Variants in ABCA13 observed in about 807,000 individuals in gnomAD.
ABCA13 encodes the protein ATP-binding cassette sub-family A member 13.
ABCA13 carries 476 observed loss-of-function variants against 478.7 expected under a neutral mutation model. That is an observed-to-expected ratio of 0.99 (90% CI 0.92 to 1.07). The LOEUF is 1.07. ABCA13 is among the 50% of genes least tolerant of loss of function. The pLI is 0.00. For synonymous variants in ABCA13, 2,252 were observed against 2,158.9 expected, an observed-to-expected ratio of 1.04 and a Z score of -1.20; for missense variants, 6,060 against 5,910.6, an observed-to-expected ratio of 1.03 and a Z score of -0.83.
At chr7:48,242,587 A>C (rs1057507775) in intron 10 of ABCA13, among the ~76,000 whole-genome samples, 1 of 151,988 alleles carries the variant, frequency 6.6e-6, no homozygotes, top group African/African-American at 2.4e-5. Context: ...ACAGGCTCAC[A>C]CCACTACTGC....
At chr7:48,431,243 G>C (rs1822100248) in intron 42 of ABCA13, among the ~76,000 whole-genome samples, 1 of 152,016 alleles carries the variant, frequency 6.6e-6, no homozygotes, top group Admixed American at 6.6e-5. Context: ...ATGTTGGCCA[G>C]GCTGGTCTCA....
intron 1 of ABCA13, among the ~76,000 whole-genome samples, chr7:48,185,393 TCTC>T (rs1796226070): frequency 6.6e-6 from 1 of 152,112 alleles, no homozygotes; most frequent in African/African-American, 2.4e-5. Context: ...TGACCATTCT[TCTC>T]CCAAATACAT....
At chr7:48,182,645 AC>A (rs1173577294) in intron 1 of ABCA13, among the ~76,000 whole-genome samples, 1 of 152,210 alleles carries the variant, frequency 6.6e-6, no homozygotes. Flanking sequence ...AAGCCAAAAA[AC>A]AACCCTACTC....
rs1046133506 is a variant in ABCA13 at position 48,240,003 on chromosome 7, T to C, written c.1062+598T>C. Among the ~76,000 whole-genome samples the C allele has an allele frequency of 2.1e-4, 32 of 152,200 alleles. 2 individuals carry two copies. Among genetic ancestry groups the C allele is most frequent in the African/African-American group, 7.2e-4 (30 of 41,444 alleles). On this transcript the variant is annotated intron_variant, in intron 9 of 61. Transcript: ENST00000435803. ...AGCTTTGCGCTTCTTGGGGAGGTTT[T>C]GGAGACTGTGAGGCAGAGCTCCCCT...
rs777019353 is a variant in ABCA13, at chr7:48,272,188, G to A, written c.2522G>A (p.Gly841Asp). The A allele has an allele frequency of 3.1e-6, 5 of 1,611,832 alleles. No homozygotes were observed. The African/African-American group carries it at 4.0e-5, about 13-fold the overall frequency. Residue 841 changes from glycine to aspartate, a missense_variant, in exon 17 of 62, where the codon GGC (glycine) becomes GAC (aspartate). By Grantham distance (94) the Gly-to-Asp change is moderately conservative (BLOSUM62 -1). Around this residue, in one of 3 missense-constraint regions of ABCA13, gnomAD observed 4,423 missense variants for 4,309.1 expected, o/e 1.03. Coordinates refer to ENST00000435803, the MANE Select transcript of ABCA13 (RefSeq NM_152701.5). ...AAATTACTAGAATTATGGGCCTATGGCATTTCAAAAGGAAAAAGAGCTAAA... is the reference window on the plus strand; with the variant it reads ...AAATTACTAGAATTATGGGCCTATGACATTTCAAAAGGAAAAAGAGCTAAA... Reference protein sequence around the residue: ...NPKLLELWAYGISKGKRAKLE... With the variant: ...NPKLLELWAYDISKGKRAKLE...
chr7:48,588,227 G>T (rs1050851995), intron 57 of ABCA13, among the ~76,000 whole-genome samples: 13 of 152,150 alleles, frequency 8.5e-5, no homozygotes, highest in Non-Finnish European at 2.9e-5. Flanking sequence ...CAAATTCCTA[G>T]ACTATTGTAT....
At chr7:48,177,225 T>C (rs1247717892) in intron 1 of ABCA13, among the ~76,000 whole-genome samples, 6 of 152,230 alleles carry the variant, frequency 3.9e-5, no homozygotes, top group Non-Finnish European at 8.8e-5. Context: ...TCATCAACTA[T>C]TTGTTGTCAA....
intron 55 of ABCA13, among the ~76,000 whole-genome samples, chr7:48,560,854 T>G (rs1056508248): frequency 1.3e-5 from 2 of 152,226 alleles, no homozygotes; most frequent in African/African-American, 4.8e-5. Flanking sequence ...TATTATCTTC[T>G]GATTCTCTTC....
At chr7:48,194,714 T>G (rs1237602169) in intron 2 of ABCA13, among the ~76,000 whole-genome samples, 1 of 152,230 alleles carries the variant, frequency 6.6e-6, no homozygotes, top group Non-Finnish European at 1.5e-5. Flanking sequence ...TATTTAGGTT[T>G]TACACATATT....
rs1197710060 is a variant in ABCA13 at position 48,524,246 on chromosome 7, AG to A, written c.14054del. The A allele has an allele frequency of 6.2e-7, 1 of 1,609,844 alleles. No homozygotes were observed. Among genetic ancestry groups the A allele is most frequent in the East Asian group, 2.2e-5 (1 of 44,646 alleles). On this transcript the variant is annotated splice_acceptor_variant, in intron 53 of 61. Coordinates refer to ENST00000435803, the MANE Select transcript of ABCA13 (RefSeq NM_152701.5). LOFTEE classifies it high-confidence loss of function. ...GAATTCACTCTGATTTCATCTTCCC[AG>A]GGGTCATTCTACTCTCCAAGGCACA...
intron 55 of ABCA13, among the ~76,000 whole-genome samples, chr7:48,579,381 A>C (rs1053527888): frequency 3.3e-5 from 5 of 152,254 alleles, no homozygotes; most frequent in African/African-American, 1.2e-4. Context: ...GCTCAACATC[A>C]TATGTCATTG....
At chr7:48,410,977 CTCTTTCTT>C (rs551665857) in intron 40 of ABCA13, among the ~76,000 whole-genome samples, 10,609 of 104,564 alleles carry the variant, frequency 0.1, 942 homozygotes, top group Middle Eastern at 0.12. Context: ...AAATTCTTTT[CTCTTTCTT>C]TCTTTCTTTC....
Position 48,647,036 on chromosome 7 carries a change from A to C in ABCA13, c.*1524A>C, listed in dbSNP as rs1371144741. ...ACATTTCTGAGTTCAGACATTTCTC[A>C]ACATTCTTTTAACAACATTTTTCTG... On this transcript the variant is annotated 3_prime_UTR_variant, in exon 62 of 62. Coordinates refer to ENST00000435803, the MANE Select transcript of ABCA13 (RefSeq NM_152701.5). The C allele has an allele frequency of 6.6e-6, 1 of 152,188 alleles. No individual in the cohort carries two copies. The highest frequency in any genetic ancestry group is 1.5e-5 in the Non-Finnish European group (1 of 68,024). 9.4% of individuals were successfully genotyped at this position (152,188 alleles called of 1,614,324 possible).
intron 31 of ABCA13, among the ~76,000 whole-genome samples, chr7:48,358,362 T>C (rs1248568268): frequency 6.6e-6 from 1 of 151,410 alleles, no homozygotes; most frequent in African/African-American, 2.4e-5. Context: ...TGGAAGTGTA[T>C]GGGGTGTTTT....
At chr7:48,585,171 T>A (rs1585886937) in intron 56 of ABCA13, among the ~76,000 whole-genome samples, 1 of 152,208 alleles carries the variant, frequency 6.6e-6, no homozygotes, top group East Asian at 1.9e-4. Context: ...CCTTTAATAT[T>A]TGTGTTTGTT....
At chr7:48,327,800 A>T (rs946205664) in intron 27 of ABCA13, among the ~76,000 whole-genome samples, 2 of 152,208 alleles carry the variant, frequency 1.3e-5, no homozygotes, top group Non-Finnish European at 2.9e-5. Flanking sequence ...CATTTTAAAA[A>T]ATAACTTTGT....
At chr7:48,474,203 T>G (rs534269392) in intron 45 of ABCA13, among the ~76,000 whole-genome samples, 39 of 152,254 alleles carry the variant, frequency 2.6e-4, no homozygotes, top group Non-Finnish European at 4.6e-4. Flanking sequence ...TACAAATGTG[T>G]GAATTTGCAT....
chr7:48,475,458 A>ATTTT (rs398047655), intron 45 of ABCA13, among the ~76,000 whole-genome samples: 49 of 100,496 alleles, frequency 4.9e-4, no homozygotes, highest in East Asian at 9.4e-4. Flanking sequence ...TGTCAATTTA[A>ATTTT]TTTTTTTTTT....
In ABCA13 at chr7:48,227,325, A is replaced by G. The variant is rs1788363517; in HGVS notation, c.532A>G (p.Ile178Val). The change falls in exon 6 of 62, where the codon ATC (isoleucine) becomes GTC (valine). Residue 178 changes from isoleucine to valine, a missense_variant. Ile to Val is a conservative substitution (Grantham distance 29). Coordinates refer to ENST00000435803, the MANE Select transcript of ABCA13 (RefSeq NM_152701.5). ...GGAAAGCCTCCATCAGCAGCCTCAT[A>G]TCTGGGATTTTCTACTTTTACTGCC... ...KLESLHQQPHIWDFLLLLPRL... is the reference protein window; with the variant it reads ...KLESLHQQPHVWDFLLLLPRL... 1 of 1,605,716 alleles carries G rather than the reference A, an allele frequency of 6.2e-7. No homozygotes were observed. The highest frequency in any genetic ancestry group is 8.5e-7 in the Non-Finnish European group (1 of 1,176,982).
Sources: gnomAD v4.1 joint callset for allele counts (sites outside exome capture counted in the v4.1 genomes callset) on GRCh38, gnomAD v4.1.1 for gene constraint, gnomAD v4.1.1 regional missense constraint, MANE v1.5 for transcripts, NCBI Gene and HGNC (gene_info 2026-07-23, HGNC 2026-07-21) for gene names.